The following CDC42 variants were observed in gnomAD, a reference collection of about 807,000 sequenced individuals.
CDC42 encodes the protein cell division control protein 42 homolog.
CDC42 carries 1 observed loss-of-function variant against 20.8 expected under a neutral mutation model. The ratio of observed to expected loss-of-function variants is 0.05; its 90% CI spans 0.02 to 0.23. The LOEUF is 0.23. CDC42 is among the 10% of genes least tolerant of loss of function. CDC42 has a pLI of 1.00. For missense variants in CDC42, 49 were observed against 227.9 expected, an observed-to-expected ratio of 0.21 and a Z score of 5.05; for synonymous variants, 72 against 84.8, an observed-to-expected ratio of 0.85 and a Z score of 0.83.
chr1:22,069,280 A>G (rs889553918), intron 1 of CDC42, among the ~76,000 whole-genome samples: 8 of 145,136 alleles, frequency 5.5e-5, no homozygotes, highest in Non-Finnish European at 8.9e-5. Flanking sequence ...GGTTCAAGCA[A>G]TTCTCCTGCC....
chr1:22,094,315 T>TTTTTTTTTTTTA lies in CDC42; in HGVS notation c.*2798_*2799insTTTTTTTTTTTA, dbSNP rs1491326062. ...ATAGATTTTTTTTTTTTTTTTTTTTTGAGACGGAGTCTCGCTCTGTCGCCC... is the reference window on the plus strand; with the variant it reads ...ATAGATTTTTTTTTTTTTTTTTTTTTTTTTTTTTTTTAGAGACGGAGTCTCGCTCTGTCGCCC... On this transcript the variant is annotated 3_prime_UTR_variant, in exon 6 of 6. Transcript: ENST00000656825. 9.2e-6 allele frequency among the ~76,000 whole-genome samples: 1 copy of TTTTTTTTTTTTA among 109,110 alleles called. No individual in the cohort carries two copies. Among genetic ancestry groups the TTTTTTTTTTTTA allele is most frequent in the African/African-American group, 3.6e-5 (1 of 27,398 alleles). The allele number at this position is 109,110 out of a possible 152,430, so 71.6% of individuals were successfully genotyped here.
chr1:22,068,871 T>TAACTA (rs1371123772), intron 1 of CDC42: 2 of 152,236 alleles, frequency 1.3e-5, no homozygotes, highest in Non-Finnish European at 2.9e-5. Flanking sequence ...TGCTGTTTCT[T>TAACTA]AGTTAAGAGA....
In CDC42 at chr1:22,055,571, C is replaced by G. The variant is rs368241128; in HGVS notation, c.-51+2829C>G. 1.1e-4 allele frequency among the ~76,000 whole-genome samples: 16 copies of G among 151,070 alleles called. No homozygotes were observed. The East Asian group carries it at 1.4e-3, about 13-fold the overall frequency. ...GTGGTGTGATCACAGCTCACTGCAG[C>G]CTCGGCCTCCCAGGCTCAACTGATC... On this transcript the variant is annotated intron_variant, in intron 1 of 5. Transcript: ENST00000656825.
At chr1:22,087,627 T>G (rs1187531334) in intron 5 of CDC42, among the ~76,000 whole-genome samples, 1 of 152,204 alleles carries the variant, frequency 6.6e-6, no homozygotes, top group African/African-American at 2.4e-5. Flanking sequence ...TGGAAATAAT[T>G]AGCACAAAAG....
rs564607888 is a variant in CDC42, at chr1:22,096,316, A to G, written c.*4799A>G. On this transcript the variant is annotated 3_prime_UTR_variant, in exon 6 of 6. Coordinates refer to ENST00000656825, the MANE Select transcript of CDC42 (RefSeq NM_001791.4). Reference sequence around the variant, plus strand: ...TCAACAAATAGGTTTTTTTAAAGCAATTAAGGCACTGAGGATATACAGAGA... The same window carrying G: ...TCAACAAATAGGTTTTTTTAAAGCAGTTAAGGCACTGAGGATATACAGAGA... Among the ~76,000 whole-genome samples, 9 of 152,152 alleles carry G rather than the reference A, an allele frequency of 5.9e-5. No individual in the cohort carries two copies. In the East Asian group the frequency reaches 7.7e-4, roughly 13 times the overall value.
chr1:22,090,477 T>C (rs1645704521), intron 5 of CDC42: 1 of 988,620 alleles, frequency 1.0e-6, no homozygotes, highest in Non-Finnish European at 1.2e-6. Flanking sequence ...CCTAGTAGAG[T>C]GTAATGGGGA....
intron 2 of CDC42, among the ~76,000 whole-genome samples, chr1:22,081,237 G>A (rs911140938): frequency 6.6e-6 from 1 of 152,134 alleles, no homozygotes; most frequent in Non-Finnish European, 1.5e-5. Context: ...TGAGGGAACC[G>A]TTATTTCTCT....
intron 1 of CDC42, among the ~76,000 whole-genome samples, chr1:22,066,249 C>G (rs890707095): frequency 1.3e-5 from 2 of 151,974 alleles, no homozygotes; most frequent in Non-Finnish European, 2.9e-5. Context: ...GTGGTGCATG[C>G]TTGTAGTCTC....
At chr1:22,061,739 C>T (rs1409046888) in intron 1 of CDC42, among the ~76,000 whole-genome samples, 2 of 150,558 alleles carry the variant, frequency 1.3e-5, no homozygotes, top group African/African-American at 4.9e-5. Flanking sequence ...AGATGTTGGC[C>T]ATCTCCACTT....
At chr1:22,066,165 G>A (rs556501706) in intron 1 of CDC42, among the ~76,000 whole-genome samples, 1 of 152,242 alleles carries the variant, frequency 6.6e-6, no homozygotes, top group Admixed American at 6.5e-5. Flanking sequence ...CATTGGGACG[G>A]GGAATAAAGA....
intron 3 of CDC42, 78 bp from the exon 4 acceptor site, chr1:22,086,361 T>C (rs1007837671): frequency 4.5e-6 from 4 of 892,580 alleles, no homozygotes; most frequent in Admixed American, 2.3e-5. Flanking sequence ...TTTTGAGTAA[T>C]GACCAGCATG....
intron 1 of CDC42, among the ~76,000 whole-genome samples, chr1:22,054,910 TATATATATA>T (rs1645281800): frequency 5.7e-5 from 1 of 17,528 alleles, no homozygotes; most frequent in Non-Finnish European, 1.5e-4. Context: ...TATATATATA[TATATATATA>T]TATTTTTTTT....
At position 22,061,692 on chromosome 1, in the gene CDC42, C is replaced by T. The variant is rs548448187; in HGVS notation, c.-51+8950C>T. On this transcript the variant is annotated intron_variant, in intron 1 of 5. Transcript: ENST00000656825. ...CTGAGTAGCTGGGATTACAGGTGCC[C>T]GCCACCATGCCCGGCTAATTTTTGT... 9.4e-5 allele frequency among the ~76,000 whole-genome samples: 14 copies of T among 148,534 alleles called. 1 individual carries two copies. In the East Asian group the frequency reaches 2.3e-3, roughly 24 times the overall value.
At chr1:22,078,666 A>AT (rs772931098) in intron 2 of CDC42, 83 bp downstream of exon 2, 3 of 1,543,474 alleles carry the variant, frequency 1.9e-6, no homozygotes, top group African/African-American at 1.4e-5. Flanking sequence ...TGTGTACTGA[A>AT]TTTTTTTCTG....
At chr1:22,052,797 C>T (rs1645249624) in intron 1 of CDC42, 55 bp downstream of exon 1, 1 of 152,890 alleles carries the variant, frequency 6.5e-6, no homozygotes, top group African/African-American at 2.4e-5. Flanking sequence ...CTTCCCATCC[C>T]CGCCGTCTCC....
intron 1 of CDC42, among the ~76,000 whole-genome samples, chr1:22,068,046 C>T (rs1645443661): frequency 6.6e-6 from 1 of 152,042 alleles, no homozygotes. Flanking sequence ...TGAGCCACTC[C>T]ACTCTGGCCT....
chr1:22,066,876 C>T (rs1447901314), intron 1 of CDC42, among the ~76,000 whole-genome samples: 1 of 152,162 alleles, frequency 6.6e-6, no homozygotes. Context: ...CCAGCTTGAC[C>T]AACATGGAGA....
intron 5 of CDC42, chr1:22,090,120 G>C: frequency 6.7e-7 from 1 of 1,494,954 alleles, no homozygotes; most frequent in Non-Finnish European, 9.0e-7. Context: ...AAACCATCCT[G>C]TTTGAAAGCC....
chr1:22,085,517 A>G (rs916533302), intron 3 of CDC42, among the ~76,000 whole-genome samples: 6 of 152,168 alleles, frequency 3.9e-5, no homozygotes, highest in African/African-American at 1.4e-4. Flanking sequence ...TAATGTTGAC[A>G]TGTCAACAAT....
Sources: allele counts gnomAD v4.1 joint callset (sites outside exome capture counted in the v4.1 genomes callset), GRCh38; gene constraint gnomAD v4.1.1; transcripts MANE v1.5; gene names NCBI Gene and HGNC (gene_info 2026-07-23, HGNC 2026-07-21).